ZFR2: variants seen among roughly 807,000 people sequenced by gnomAD.
ZFR2 encodes zinc finger RNA-binding protein 2.
A neutral mutation model predicts 105.7 loss-of-function variants in ZFR2; 104 were observed. The observed-to-expected ratio is 0.98, with a 90% CI of 0.84 to 1.16. The LOEUF is 1.16. ZFR2 is among the 50% of genes most tolerant of loss of function. The pLI, the probability that ZFR2 is intolerant of heterozygous loss-of-function variation, is 0.00. For synonymous variants in ZFR2, 634 were observed against 597.7 expected, an observed-to-expected ratio of 1.06 and a Z score of -0.89; for missense variants, 1,425 against 1,355.5, an observed-to-expected ratio of 1.05 and a Z score of -0.80.
At chr19:3,852,729 A>C in intron 1 of ZFR2, 1 of 638,728 alleles carries the variant, frequency 1.6e-6, no homozygotes, top group Non-Finnish European at 2.9e-6. Context: ...AGCCAGCAAA[A>C]ACACAGCTCC....
chr19:3,827,399 C>G, intron 6 of ZFR2, 72 bp downstream of exon 6: 1 of 1,434,532 alleles, frequency 7.0e-7, no homozygotes, highest in Non-Finnish European at 9.1e-7. Flanking sequence ...CCAGGTACCT[C>G]TGTGGGTCCC....
At chr19:3,864,116 A>T (rs1185078798) in intron 1 of ZFR2, among the ~76,000 whole-genome samples, 1 of 152,130 alleles carries the variant, frequency 6.6e-6, no homozygotes, top group Non-Finnish European at 1.5e-5. Flanking sequence ...AATTGCAGGG[A>T]GGAAGTGCCT....
intron 5 of ZFR2, among the ~76,000 whole-genome samples, chr19:3,831,024 C>A (rs568638926): frequency 6.6e-6 from 1 of 151,626 alleles, no homozygotes; most frequent in East Asian, 1.9e-4. Flanking sequence ...GGCACACATG[C>A]GCACACATAC....
Position 3,810,862 on chromosome 19 carries a change from C to T in ZFR2, c.2338-17G>A. The stretch of plus-strand genomic sequence containing the variant: ...GGCTCGAGCCTTCGGGGGAGAAGCA[C>T]ACGGTTAGCTTTCAGGGGCTCACGT... On this transcript the variant is annotated splice_polypyrimidine_tract_variant and intron_variant, in intron 15 of 18. Transcript: ENST00000262961. The T allele has an allele frequency of 6.5e-7, 1 of 1,549,816 alleles. No homozygotes were observed. The highest frequency in any genetic ancestry group is 2.0e-5 in the Admixed American group (1 of 50,964).
At chr19:3,856,625 G>A (rs1272574601) in intron 1 of ZFR2, among the ~76,000 whole-genome samples, 1 of 152,098 alleles carries the variant, frequency 6.6e-6, no homozygotes, top group Non-Finnish European at 1.5e-5. Context: ...CCTGTAAAAT[G>A]GGAACACCTA....
rs375885194 is a variant in ZFR2 at position 3,827,809 on chromosome 19, G to A, written c.853-156C>T. Among the ~76,000 whole-genome samples, 351 of 152,248 alleles carry A rather than the reference G, an allele frequency of 2.3e-3. 4 individuals carry two copies. The highest frequency in any genetic ancestry group is 7.8e-3 in the African/African-American group (323 of 41,550). On this transcript the variant is annotated intron_variant, in intron 5 of 18. Coordinates refer to ENST00000262961, the MANE Select transcript of ZFR2 (RefSeq NM_015174.2). The stretch of plus-strand genomic sequence containing the variant: ...TCCCTGGTGCCATGGAGGTTCCAGT[G>A]TCCCTTTATTTTTCTTATTTTTATT...
Position 3,823,545 on chromosome 19 carries a change from G to A in ZFR2, c.1214-142C>T, listed in dbSNP as rs774063542. On this transcript the variant is annotated intron_variant, in intron 7 of 18. Coordinates refer to ENST00000262961, the MANE Select transcript of ZFR2 (RefSeq NM_015174.2). This position sits in a 1 kb window ranked among gnomAD's most constrained non-coding sequence, Gnocchi z 5.4. ...TCCCTCCTGTGATGTCAGGGGGAAT[G>A]GCCCCGGACAGCAACCTCGCTCTCC... 1.2e-6 allele frequency: 1 copy of A among 854,346 alleles called. No homozygotes were observed. Among genetic ancestry groups the A allele is most frequent in the Non-Finnish European group, 1.7e-6 (1 of 571,770 alleles). The allele number at this position is 854,346 out of a possible 1,614,324, so 52.9% of individuals were successfully genotyped here.
At chr19:3,842,547 A>T (rs909486917) in intron 1 of ZFR2, among the ~76,000 whole-genome samples, 5 of 152,186 alleles carry the variant, frequency 3.3e-5, no homozygotes, top group Admixed American at 3.3e-4. Context: ...TTTAAAGTAT[A>T]AAATGTAGTG....
intron 5 of ZFR2, among the ~76,000 whole-genome samples, chr19:3,830,963 G>A (rs1438233935): frequency 9.6e-5 from 14 of 145,510 alleles, no homozygotes; most frequent in East Asian, 4.3e-4. Flanking sequence ...ATACACACAC[G>A]CACACACATG....
intron 1 of ZFR2, among the ~76,000 whole-genome samples, chr19:3,866,753 GGATC>G (rs2038434606): frequency 6.6e-6 from 1 of 152,148 alleles, no homozygotes; most frequent in African/African-American, 2.4e-5. Flanking sequence ...GTACTAGCCT[GGATC>G]GCTAGCCAAG....
rs1325102729 is a variant in ZFR2, at chr19:3,823,953, C to A, written c.1214-550G>T. On this transcript the variant is annotated intron_variant, in intron 7 of 18. Coordinates refer to ENST00000262961, the MANE Select transcript of ZFR2 (RefSeq NM_015174.2). This position sits in a 1 kb window ranked among gnomAD's most constrained non-coding sequence, Gnocchi z 5.4. ...ACCCGGGTTCCAATTCCACCTCCAC[C>A]GTTTACGGCTTTTCCATCTACACAT... Among the ~76,000 whole-genome samples, 1 of 151,634 alleles carries A rather than the reference C, an allele frequency of 6.6e-6. No homozygotes were observed. Among genetic ancestry groups the A allele is most frequent in the Non-Finnish European group, 1.5e-5 (1 of 67,896 alleles).
At position 3,827,635 on chromosome 19, in the gene ZFR2, C is replaced by G; in HGVS notation, c.871G>C (p.Gly291Arg). ...TCCTTCTTTCTGTGCTTCTGCCCTC[C>G]CAGATGTTCCCGGTAGGTCTGCGGC... ...AGPQTYREHLGGQKHRKKEAA... is the reference protein window; with the variant it reads ...AGPQTYREHLRGQKHRKKEAA... The change falls in exon 6 of 19, where the codon GGA becomes CGA. Residue 291 changes from glycine (G) to arginine (R), a missense_variant. By Grantham distance (125) the Gly-to-Arg change is moderately radical. Coordinates refer to ENST00000262961, the MANE Select transcript of ZFR2 (RefSeq NM_015174.2). 1.3e-6 allele frequency: 2 copies of G among 1,581,924 alleles called. No individual in the cohort carries two copies. The highest frequency in any genetic ancestry group is 1.7e-6 in the Non-Finnish European group (2 of 1,164,424).
At chr19:3,826,469 T>A (rs2037951578) in intron 6 of ZFR2, among the ~76,000 whole-genome samples, 1 of 148,384 alleles carries the variant, frequency 6.7e-6, no homozygotes, top group Non-Finnish European at 1.5e-5. Context: ...AGAGCCTTGC[T>A]CTGTCGCCCA....
In ZFR2 at chr19:3,831,298, C is replaced by G; in HGVS notation, c.852+5G>C. ...GGGCCTGCCCATGGCAGGAGGGCGA[C>G]TGACCTGGGGGCCAGCGCAGCTGAT... On this transcript the variant is annotated splice_donor_5th_base_variant and intron_variant, in intron 5 of 18. Coordinates refer to ENST00000262961, the MANE Select transcript of ZFR2 (RefSeq NM_015174.2). The G allele has an allele frequency of 6.6e-7, 1 of 1,517,964 alleles. No individual in the cohort carries two copies. 94.0% of individuals were successfully genotyped at this position (1,517,964 alleles called of 1,614,324 possible). A position where few individuals can be genotyped will look rare whatever the true frequency, so the allele number is the denominator to read the frequency against.
intron 1 of ZFR2, among the ~76,000 whole-genome samples, chr19:3,856,048 G>A (rs145561260): frequency 1.3e-5 from 2 of 152,336 alleles, no homozygotes; most frequent in East Asian, 3.9e-4. Context: ...GCAGAAGGAA[G>A]CGTGAAGGTC....
rs1429298364 is a variant in ZFR2 at position 3,811,271 on chromosome 19, C to A, written c.2337+1G>T. On this transcript the variant is annotated splice_donor_variant, in intron 15 of 18. Coordinates refer to ENST00000262961, the MANE Select transcript of ZFR2 (RefSeq NM_015174.2). LOFTEE classifies it high-confidence loss of function. ...CCCTGCTCCACCCCTGCCCCCCTGA[C>A]CTGAAACCACCTGGCATGACGGAGG... 2.5e-6 allele frequency: 4 copies of A among 1,585,568 alleles called. No individual in the cohort carries two copies. In the East Asian group the frequency reaches 9.2e-5, roughly 37 times the overall value.
rs138288354 is a variant in ZFR2 at position 3,857,244 on chromosome 19, C to G, written c.53+11721G>C. ...CTGGGACTACAGGCGCACCCCACCA[C>G]GCCCAGCGGAATCTCCCACTTTTAA... On this transcript the variant is annotated intron_variant, in intron 1 of 18. Transcript: ENST00000262961. Among the ~76,000 whole-genome samples the G allele has an allele frequency of 3.9e-5, 6 of 152,006 alleles. No individual in the cohort carries two copies. In the East Asian group the frequency reaches 9.7e-4, roughly 25 times the overall value.
chr19:3,853,852 T>G (rs1034168691), intron 1 of ZFR2, among the ~76,000 whole-genome samples: 2 of 152,118 alleles, frequency 1.3e-5, no homozygotes, highest in African/African-American at 4.8e-5. Flanking sequence ...GAGGATAGCT[T>G]GAGCCCAGGA....
chr19:3,836,926 T>C (rs1426305237), intron 1 of ZFR2, among the ~76,000 whole-genome samples: 2 of 152,188 alleles, frequency 1.3e-5, no homozygotes, highest in Non-Finnish European at 2.9e-5. Context: ...TGGATATATA[T>C]TAAAAAGTGA....
Sources: gnomAD v4.1 joint callset for allele counts (sites outside exome capture counted in the v4.1 genomes callset) on GRCh38, gnomAD v4.1.1 for gene constraint, Gnocchi (gnomAD v3.1) non-coding constraint, MANE v1.5 for transcripts, NCBI Gene and HGNC (gene_info 2026-07-23, HGNC 2026-07-21) for gene names.